Variants in LIX1 observed in about 807,000 individuals in gnomAD.
LIX1 encodes protein limb expression 1 homolog.
In LIX1, 24 loss-of-function variants were observed where a neutral mutation model predicts 33.4. The ratio of observed to expected loss-of-function variants is 0.72; its 90% confidence interval spans 0.52 to 1.01. The LOEUF is 1.01. Among genes scored for constraint, LIX1 ranks in the 50% least tolerant of loss-of-function variants. The pLI, the probability that LIX1 is intolerant of heterozygous loss-of-function variation, is 0.00. For missense variants in LIX1, 311 were observed against 339.2 expected, an observed-to-expected ratio of 0.92 and a Z score of 0.65; for synonymous variants, 124 against 124.0, an observed-to-expected ratio of 1.00 and a Z score of 0.00.
intron 2 of LIX1, among the ~76,000 whole-genome samples, chr5:97,109,504 T>C (rs1474045906): frequency 6.6e-6 from 1 of 152,216 alleles, no homozygotes; most frequent in Non-Finnish European, 1.5e-5. Flanking sequence ...TCCACCTGCC[T>C]TGGCCTCCCA....
At chr5:97,141,497 A>G (rs2161556) in intron 1 of LIX1, among the ~76,000 whole-genome samples, 19,681 of 152,240 alleles carry the variant, frequency 0.13, 1,572 homozygotes, top group African/African-American at 0.22. Context: ...ATGGCCTAAC[A>G]TTCCTCTTTC....
Position 97,124,628 on chromosome 5 carries a change from C to G in LIX1, c.84G>C (p.Leu28Phe), listed in dbSNP as rs201727962. The change falls in exon 2 of 6, where the codon TTG becomes TTC. Residue 28 changes from leucine to phenylalanine, a missense_variant and splice_region_variant. Transcript: ENST00000274382. The stretch of plus-strand genomic sequence containing the variant: ...ATTCCTGTAACATTGACACAACGTT[C>G]ACTGAAAAAGACAAGAAACACCATC... ...HRDPALVFKD[L>F]NVVSMLQEFW... 1 of 1,607,256 alleles carries G rather than the reference C, an allele frequency of 6.2e-7. No individual in the cohort carries two copies. Among genetic ancestry groups the G allele is most frequent in the African/African-American group, 1.3e-5 (1 of 74,744 alleles).
At chr5:97,096,982 G>A in intron 4 of LIX1, 95 bp from the exon 5 acceptor site, 1 of 930,040 alleles carries the variant, frequency 1.1e-6, no homozygotes. Flanking sequence ...AATATATCAG[G>A]AAACAGAATA....
At chr5:97,106,819 T>G (rs1747058049) in intron 3 of LIX1, among the ~76,000 whole-genome samples, 1 of 152,250 alleles carries the variant, frequency 6.6e-6, no homozygotes, top group South Asian at 2.1e-4. Context: ...AAGAGGTAAT[T>G]GATATTAACC....
chr5:97,131,397 C>T (rs1748053907), intron 1 of LIX1, among the ~76,000 whole-genome samples: 1 of 152,178 alleles, frequency 6.6e-6, no homozygotes, highest in Admixed American at 6.6e-5. Flanking sequence ...CCCACATGTA[C>T]CTCCTTTTCT....
At position 97,107,514 on chromosome 5, in the gene LIX1, G is replaced by A; in HGVS notation, c.247-14C>T. On this transcript the variant is annotated splice_polypyrimidine_tract_variant and intron_variant, in intron 2 of 5. Transcript: ENST00000274382. Reference sequence around the variant, plus strand: ...ACTTAAGCAGCACTTGAGAAGGGAGGGAGAAAAGGAGTCATTTGAGAATTT... The same window carrying A: ...ACTTAAGCAGCACTTGAGAAGGGAGAGAGAAAAGGAGTCATTTGAGAATTT... The A allele has an allele frequency of 6.2e-7, 1 of 1,613,224 alleles. No individual in the cohort carries two copies. Among genetic ancestry groups the A allele is most frequent in the Non-Finnish European group, 8.5e-7 (1 of 1,179,444 alleles).
intron 2 of LIX1, among the ~76,000 whole-genome samples, chr5:97,121,917 G>C (rs1307338539): frequency 6.6e-6 from 1 of 152,116 alleles, no homozygotes; most frequent in Admixed American, 6.6e-5. Flanking sequence ...GTATTGAATG[G>C]GGTGTATTGA....
chr5:97,112,395 C>A lies in LIX1; in HGVS notation c.247-4895G>T, dbSNP rs1470990611. Among the ~76,000 whole-genome samples, 3 of 152,170 alleles carry A rather than the reference C, an allele frequency of 2.0e-5. No individual in the cohort carries two copies. In the South Asian group the frequency reaches 6.2e-4, roughly 31 times the overall value. Reference sequence around the variant, plus strand: ...TGTCCAAACCAGTCGTCAAAGACATCGGTTGGGGAGCGAGTGAAGTATGAT... The same window carrying A: ...TGTCCAAACCAGTCGTCAAAGACATAGGTTGGGGAGCGAGTGAAGTATGAT... On this transcript the variant is annotated intron_variant, in intron 2 of 5. Transcript: ENST00000274382.
chr5:97,118,707 A>G (rs1308953830), intron 2 of LIX1, among the ~76,000 whole-genome samples: 1 of 152,206 alleles, frequency 6.6e-6, no homozygotes, highest in Non-Finnish European at 1.5e-5. Context: ...AAAATTTTTA[A>G]TCAGTAGATT....
In LIX1 at chr5:97,117,381, C is replaced by T. The variant is rs544247290; in HGVS notation, c.246+7085G>A. ...CTGGGCAATAGTCTCAAGTTTATAGCAGGAACTAAATCCCTATTTGGGATG... is the reference window on the plus strand; with the variant it reads ...CTGGGCAATAGTCTCAAGTTTATAGTAGGAACTAAATCCCTATTTGGGATG... On this transcript the variant is annotated intron_variant, in intron 2 of 5. Coordinates refer to ENST00000274382, the MANE Select transcript of LIX1 (RefSeq NM_153234.5). Among the ~76,000 whole-genome samples, 24 of 152,288 alleles carry T rather than the reference C, an allele frequency of 1.6e-4. 2 individuals carry two copies. The South Asian group carries it at 4.6e-3, about 29-fold the overall frequency.
intron 2 of LIX1, among the ~76,000 whole-genome samples, chr5:97,122,983 C>A (rs188249345): frequency 6.6e-6 from 1 of 152,216 alleles, no homozygotes; most frequent in Non-Finnish European, 1.5e-5. Flanking sequence ...TCTCATTGGA[C>A]ATCTGTCCTG....
intron 2 of LIX1, among the ~76,000 whole-genome samples, chr5:97,117,463 A>C (rs1484078536): frequency 3.3e-5 from 5 of 152,232 alleles, no homozygotes; most frequent in Admixed American, 1.3e-4. Context: ...TTACAATTCC[A>C]TTGAGTCAAG....
intron 2 of LIX1, among the ~76,000 whole-genome samples, chr5:97,114,617 C>T (rs1055035644): frequency 5.3e-5 from 8 of 152,088 alleles, no homozygotes; most frequent in African/African-American, 1.7e-4. Flanking sequence ...CTACTGAATC[C>T]GAATCTCTTC....
intron 1 of LIX1, among the ~76,000 whole-genome samples, chr5:97,125,143 G>A (rs1747886323): frequency 6.6e-6 from 1 of 152,276 alleles, no homozygotes; most frequent in East Asian, 1.9e-4. Flanking sequence ...GTCTAAACGA[G>A]AATGAAAGGC....
rs754325827 is a variant in LIX1, at chr5:97,094,879, G to GTCCTGCTTTCCTGGCT, written c.702_717dup (p.Gln240SerfsTer28). Reference sequence around the variant, plus strand: ...TTTTCTTTGTAAAACCGTAGTTCTTGTCCTGCTTTCCTGGCTTCCTCCAAC... The same window carrying GTCCTGCTTTCCTGGCT: ...TTTTCTTTGTAAAACCGTAGTTCTTGTCCTGCTTTCCTGGCTTCCTGCTTTCCTGGCTTCCTCCAAC... On this transcript the variant is annotated frameshift_variant, in exon 6 of 6. Coordinates refer to ENST00000274382, the MANE Select transcript of LIX1 (RefSeq NM_153234.5). LOFTEE classifies it high-confidence loss of function. 2.5e-6 allele frequency: 4 copies of GTCCTGCTTTCCTGGCT among 1,614,182 alleles called. No homozygotes were observed. Among genetic ancestry groups the GTCCTGCTTTCCTGGCT allele is most frequent in the Non-Finnish European group, 3.4e-6 (4 of 1,180,040 alleles).
At chr5:97,099,199 G>C (rs117378676) in intron 4 of LIX1, among the ~76,000 whole-genome samples, 1 of 152,134 alleles carries the variant, frequency 6.6e-6, no homozygotes, top group African/African-American at 2.4e-5. Flanking sequence ...ACTTCATCAC[G>C]TCAGTATGCT....
chr5:97,124,726 G>A, intron 1 of LIX1, 97 bp from the exon 2 acceptor site: 1 of 1,037,644 alleles, frequency 9.6e-7, no homozygotes, highest in South Asian at 1.8e-5. Flanking sequence ...TAGCATGACA[G>A]TTCCAGTTTA....
intron 2 of LIX1, among the ~76,000 whole-genome samples, chr5:97,120,343 A>G (rs1408498494): frequency 3.3e-5 from 5 of 152,224 alleles, no homozygotes; most frequent in Non-Finnish European, 7.3e-5. Context: ...TATGCACTGT[A>G]TGCGAAACAC....
chr5:97,131,273 T>C (rs888676594), intron 1 of LIX1, among the ~76,000 whole-genome samples: 1 of 152,152 alleles, frequency 6.6e-6, no homozygotes, highest in Non-Finnish European at 1.5e-5. Flanking sequence ...TGGTTCAAGT[T>C]CTCCCTCCTA....
Sources: allele counts gnomAD v4.1 joint callset (sites outside exome capture counted in the v4.1 genomes callset), GRCh38; gene constraint gnomAD v4.1.1; transcripts MANE v1.5; gene names NCBI Gene and HGNC (gene_info 2026-07-23, HGNC 2026-07-21).